LPIN1: variants seen among roughly 807,000 people sequenced by gnomAD.
The protein encoded by LPIN1 is phosphatidate phosphatase LPIN1.
Under a neutral mutation model 107.5 loss-of-function variants are expected in LPIN1, and 71 were observed. The observed-to-expected ratio is 0.66, with a 90% CI of 0.55 to 0.80. The LOEUF (loss-of-function observed/expected upper bound fraction) is 0.80, where lower values mean the gene tolerates loss of function less well. LPIN1 is among the 30% of genes least tolerant of loss of function. The pLI is 0.00. For synonymous variants in LPIN1, 445 were observed against 452.6 expected, an observed-to-expected ratio of 0.98 and a Z score of 0.21; for missense variants, 1,043 against 1,160.6, an observed-to-expected ratio of 0.90 and a Z score of 1.47.
chr2:11,710,181 C>T (rs1463832095), intron 1 of LPIN1, among the ~76,000 whole-genome samples: 1 of 152,120 alleles, frequency 6.6e-6, no homozygotes, highest in African/African-American at 2.4e-5. Flanking sequence ...TCTTCATCAC[C>T]TAATCAGCCC....
rs1246321703 is a variant in LPIN1 at position 11,820,428 on chromosome 2, G to A, written c.2535G>A (p.Lys845=). Residue 845 remains lysine (K), a synonymous_variant, in exon 20 of 21, where the codon AAG becomes AAA. Transcript: ENST00000674199. The part of the protein sequence containing the change: ...GNRPADVYSY[K]QVGVSLNRIF... ...AAATATAGGATGTGTATTCATACAA[G>A]CAAGTAGGAGTGTCTTTGAATAGAA... 1 of 1,610,780 alleles carries A rather than the reference G, an allele frequency of 6.2e-7. No individual in the cohort carries two copies. The highest frequency in any genetic ancestry group is 1.7e-5 in the Admixed American group (1 of 60,002).
chr2:11,811,962 TG>T (rs1185450793), intron 17 of LPIN1, among the ~76,000 whole-genome samples: 2 of 152,218 alleles, frequency 1.3e-5, no homozygotes, highest in Admixed American at 6.5e-5. Context: ...TCCAGCCTGG[TG>T]ACACAGCGAG....
upstream of LPIN1, chr2:11,746,510 C>G (rs1666930937): frequency 3.5e-6 from 1 of 282,440 alleles, no homozygotes; most frequent in Non-Finnish European, 5.3e-6. Flanking sequence ...CTGAAAGCAG[C>G]CGGGCCACCA....
intron 1 of LPIN1, among the ~76,000 whole-genome samples, chr2:11,750,277 C>T (rs1259464872): frequency 2.0e-5 from 3 of 152,176 alleles, no homozygotes; most frequent in East Asian, 1.9e-4. Flanking sequence ...ACAAGACAGG[C>T]GCCCAGACAA....
chr2:11,783,963 T>C (rs993015995), intron 9 of LPIN1, 41 bp downstream of exon 9: 5 of 1,613,322 alleles, frequency 3.1e-6, no homozygotes, highest in Middle Eastern at 1.7e-4. Flanking sequence ...TCCTATAATC[T>C]GAATATCATT....
At chr2:11,682,275 G>C (rs149212686) in intron 1 of LPIN1, 6 of 152,592 alleles carry the variant, frequency 3.9e-5, no homozygotes, top group African/African-American at 1.4e-4. Flanking sequence ...CCCAACCACA[G>C]TGTCTGATGT....
chr2:11,681,820 G>A (rs1481373024), intron 1 of LPIN1, among the ~76,000 whole-genome samples: 1 of 152,130 alleles, frequency 6.6e-6, no homozygotes, highest in East Asian at 1.9e-4. Flanking sequence ...TTTGCCACCT[G>A]GGTTCATTTG....
At chr2:11,775,481 G>A (rs549758851) in intron 5 of LPIN1, among the ~76,000 whole-genome samples, 3 of 152,336 alleles carry the variant, frequency 2.0e-5, no homozygotes, top group South Asian at 4.1e-4. Context: ...GTCAGGTTAT[G>A]TAGCTCTGAC....
At position 11,771,720 on chromosome 2, in the gene LPIN1, A is replaced by G; in HGVS notation, c.596+41A>G. ...GGTGGAGGGGCTGTGCCAGAATCAG[A>G]CAGTTAACTGTTCAAGATTATTTTT... On this transcript the variant is annotated intron_variant, in intron 4 of 20. Transcript: ENST00000674199. The surrounding 1 kb of genome is among the most constrained non-coding windows in gnomAD (Gnocchi z 4.8). 3 of 1,517,848 alleles carry G rather than the reference A, an allele frequency of 2.0e-6. No homozygotes were observed. The highest frequency in any genetic ancestry group is 2.7e-6 in the Non-Finnish European group (3 of 1,114,400). 94.0% of individuals were successfully genotyped at this position (1,517,848 alleles called of 1,614,324 possible). A position where few individuals can be genotyped will look rare whatever the true frequency, so the allele number is the denominator to read the frequency against.
chr2:11,815,302 C>G, intron 18 of LPIN1, 62 bp downstream of exon 18: 1 of 1,593,252 alleles, frequency 6.3e-7, no homozygotes, highest in Non-Finnish European at 8.6e-7. Context: ...CTCTTCCTAA[C>G]TGCAAGTTTT....
chr2:11,820,432 G>C lies in LPIN1; in HGVS notation c.2539G>C (p.Val847Leu), dbSNP rs762714174. 3 of 1,611,944 alleles carry C rather than the reference G, an allele frequency of 1.9e-6. No homozygotes were observed. In the East Asian group the frequency reaches 6.7e-5, roughly 36 times the overall value. Residue 847 changes from valine to leucine, a missense_variant, in exon 20 of 21, where the codon GTA (valine) becomes CTA (leucine). Transcript: ENST00000674199. The part of the protein sequence containing the change: ...RPADVYSYKQ[V>L]GVSLNRIFTV... ...ATAGGATGTGTATTCATACAAGCAA[G>C]TAGGAGTGTCTTTGAATAGAATATT...
At chr2:11,735,245 T>C (rs1376640754) in intron 1 of LPIN1, among the ~76,000 whole-genome samples, 1 of 151,668 alleles carries the variant, frequency 6.6e-6, no homozygotes, top group East Asian at 1.9e-4. Context: ...TGAGTCGAGA[T>C]TGTGCCACTG....
chr2:11,728,286 C>G lies in LPIN1; in HGVS notation c.-72+3747C>G, dbSNP rs138205856. On this transcript the variant is annotated intron_variant, in intron 1 of 21. Transcript: ENST00000396097. The stretch of plus-strand genomic sequence containing the variant: ...CTGTAGACATTATACAGCTGGGTCT[C>G]GCTTTTTTATCCAATCTGACAATCT... Among the ~76,000 whole-genome samples, 242 of 152,230 alleles carry G rather than the reference C, an allele frequency of 1.6e-3. 5 individuals carry two copies. Among genetic ancestry groups the G allele is most frequent in the Non-Finnish European group, 3.5e-4 (24 of 68,018 alleles).
chr2:11,772,832 G>A (rs1201248691), intron 4 of LPIN1, among the ~76,000 whole-genome samples: 1 of 152,196 alleles, frequency 6.6e-6, no homozygotes, highest in Non-Finnish European at 1.5e-5. Context: ...GGGGAATCAG[G>A]AGTATCTTCC....
chr2:11,776,045 T>G, intron 5 of LPIN1, 41 bp from the exon 6 acceptor site: 2 of 1,145,662 alleles, frequency 1.7e-6, no homozygotes, highest in Non-Finnish European at 2.5e-6. Context: ...TGACCTCTGA[T>G]TTTGTCTTTC....
chr2:11,680,565 G>A (rs1661660275), intron 1 of LPIN1, among the ~76,000 whole-genome samples: 1 of 152,214 alleles, frequency 6.6e-6, no homozygotes, highest in Non-Finnish European at 1.5e-5. Flanking sequence ...CAGCCTGGCA[G>A]GGCTGGAGGA....
chr2:11,756,780 T>C (rs984141670), intron 1 of LPIN1, among the ~76,000 whole-genome samples: 16 of 152,236 alleles, frequency 1.1e-4, no homozygotes, highest in African/African-American at 3.9e-4. Context: ...TGGAATACGC[T>C]TGTAGATTTT....
chr2:11,784,136 T>C, intron 9 of LPIN1: 1 of 833,222 alleles, frequency 1.2e-6, no homozygotes, highest in Non-Finnish European at 1.7e-6. Flanking sequence ...GAATCCTCGT[T>C]CTACTGAAAA....
At chr2:11,696,432 G>GTA (rs1662581766) in intron 1 of LPIN1, among the ~76,000 whole-genome samples, 3 of 151,970 alleles carry the variant, frequency 2.0e-5, no homozygotes, top group African/African-American at 7.3e-5. Context: ...TTGATATGAT[G>GTA]TATATATATT....
Sources: allele counts gnomAD v4.1 joint callset (sites outside exome capture counted in the v4.1 genomes callset), GRCh38; gene constraint gnomAD v4.1.1; non-coding constraint Gnocchi (gnomAD v3.1); transcripts MANE v1.5; gene names NCBI Gene and HGNC (gene_info 2026-07-23, HGNC 2026-07-21).